TTC23: variants seen among roughly 807,000 people sequenced by gnomAD.
TTC23 encodes tetratricopeptide repeat domain 23, also known as tetratricopeptide repeat protein 23.
In TTC23, 58 loss-of-function variants were observed where a neutral mutation model predicts 55.1. The observed-to-expected ratio is 1.05, with a 90% CI of 0.85 to 1.31. TTC23 has a LOEUF of 1.31. TTC23 is among the 50% of genes most tolerant of loss of function. The pLI is 0.00. For synonymous variants in TTC23, 203 were observed against 199.9 expected (o/e 1.02, Z -0.13); for missense variants, 516 against 534.4 (o/e 0.97, Z 0.34).
intron 10 of TTC23, 150 bp from the exon 11 acceptor site, chr15:99,162,017 G>A (rs2071441739): frequency 2.7e-6 from 2 of 747,476 alleles, no homozygotes; most frequent in Admixed American, 7.4e-5. Context: ...CCATTAATCT[G>A]CCTGTTTCAT....
chr15:99,142,108 CTT>C (rs1324104114), intron 12 of TTC23, among the ~76,000 whole-genome samples: 1 of 152,120 alleles, frequency 6.6e-6, no homozygotes, highest in Non-Finnish European at 1.5e-5. Context: ...AATTTAGGAA[CTT>C]TGACTAAGCT....
Position 99,175,060 on chromosome 15 carries a change from G to A in TTC23, c.855C>T (p.His285=), listed in dbSNP as rs200552172. ...AAGGATTCTTCTCACCATGGTGCTCGTGTCTCCCTGAAGCGACAGCAGCAT... is the reference window on the plus strand; with the variant it reads ...AAGGATTCTTCTCACCATGGTGCTCATGTCTCCCTGAAGCGACAGCAGCAT... The part of the protein sequence containing the change: ...VAHAAVASGR[H]EHHDVAEQYF... The change falls in exon 10 of 14, where the codon CAC becomes CAT. Residue 285 remains histidine (H), a synonymous_variant. Transcript: ENST00000394132. 8.7e-6 allele frequency: 14 copies of A among 1,614,028 alleles called. No individual in the cohort carries two copies. The East Asian group carries it at 8.9e-5, about 10-fold the overall frequency.
intron 12 of TTC23, chr15:99,139,619 T>C: frequency 1.3e-6 from 2 of 1,516,100 alleles, no homozygotes; most frequent in Non-Finnish European, 1.8e-6. Context: ...CACAAAACTC[T>C]CTGTGACTAT....
chr15:99,150,145 G>A (rs151073453), intron 12 of TTC23, among the ~76,000 whole-genome samples: 2 of 152,336 alleles, frequency 1.3e-5, no homozygotes, highest in East Asian at 1.9e-4. Flanking sequence ...CCAGCGGCCT[G>A]CAAGGCCTGC....
chr15:99,139,150 A>G, intron 13 of TTC23, 167 bp downstream of exon 13: 1 of 805,874 alleles, frequency 1.2e-6, no homozygotes, highest in Non-Finnish European at 2.1e-6. Flanking sequence ...GGCAAGGAAG[A>G]TCTTTTACAA....
At chr15:99,148,046 C>G (rs1233480853) in intron 12 of TTC23, among the ~76,000 whole-genome samples, 3 of 152,042 alleles carry the variant, frequency 2.0e-5, no homozygotes, top group Non-Finnish European at 4.4e-5. Context: ...AGCCTATTCT[C>G]CAGTCTTGAC....
rs2071401932 is a variant in TTC23 at position 99,161,719 on chromosome 15, T to C, written c.993+21A>G. On this transcript the variant is annotated intron_variant, in intron 11 of 13. Transcript: ENST00000394132. Reference sequence around the variant, plus strand: ...ATATCAACTGTGAATAACTAGACAATTGTGATCCAAACTCACTTACCTCTT... The same window carrying C: ...ATATCAACTGTGAATAACTAGACAACTGTGATCCAAACTCACTTACCTCTT... 10 of 1,604,256 alleles carry C rather than the reference T, an allele frequency of 6.2e-6. No homozygotes were observed. In the Admixed American group the frequency reaches 1.7e-4, roughly 28 times the overall value.
intron 3 of TTC23, among the ~76,000 whole-genome samples, chr15:99,237,126 C>T (rs1014086952): frequency 3.9e-5 from 6 of 151,968 alleles, no homozygotes; most frequent in African/African-American, 9.7e-5. Flanking sequence ...GGATTACAGG[C>T]GCCCGCCACC....
At chr15:99,157,781 T>C (rs537203366) in intron 11 of TTC23, 7 of 152,230 alleles carry the variant, frequency 4.6e-5, no homozygotes, top group African/African-American at 1.4e-4. Flanking sequence ...TTTCCTGATA[T>C]TAGCTTCTTC....
At chr15:99,237,173 G>A (rs532073636) in intron 3 of TTC23, among the ~76,000 whole-genome samples, 1 of 151,898 alleles carries the variant, frequency 6.6e-6, no homozygotes, top group East Asian at 1.9e-4. Context: ...GTAGAGACGG[G>A]GTTTCACCAT....
chr15:99,237,067 C>T (rs575983533), intron 3 of TTC23, among the ~76,000 whole-genome samples: 4 of 150,794 alleles, frequency 2.7e-5, no homozygotes, highest in South Asian at 2.1e-4. Flanking sequence ...CTGCAACCTT[C>T]GCCTCCTGGG....
In TTC23 at chr15:99,193,795, G is replaced by A. The variant is rs574513783; in HGVS notation, c.759+6124C>T. On this transcript the variant is annotated intron_variant, in intron 9 of 13. Coordinates refer to ENST00000394132, the MANE Select transcript of TTC23 (RefSeq NM_001288615.3). ...GGCTAAGGCAGTCATATCACTTGAG[G>A]TCAAGAGTTCAAGACCAGCCTGGCT... Among the ~76,000 whole-genome samples the A allele has an allele frequency of 3.3e-5, 5 of 152,180 alleles. No homozygotes were observed. In the South Asian group the frequency reaches 1.0e-3, roughly 32 times the overall value.
chr15:99,187,595 C>T (rs2074844147), intron 9 of TTC23, among the ~76,000 whole-genome samples: 1 of 151,788 alleles, frequency 6.6e-6, no homozygotes, highest in Admixed American at 6.6e-5. Flanking sequence ...AGATAAGGCT[C>T]TAGTATCCAG....
intron 9 of TTC23, among the ~76,000 whole-genome samples, chr15:99,178,819 C>T (rs971505353): frequency 2.6e-5 from 4 of 152,096 alleles, no homozygotes; most frequent in Non-Finnish European, 2.9e-5. Flanking sequence ...TAAAATGATC[C>T]CTGGCATGGA....
chr15:99,176,037 GA>G (rs1206025120), intron 9 of TTC23, among the ~76,000 whole-genome samples: 3 of 152,082 alleles, frequency 2.0e-5, no homozygotes, highest in Non-Finnish European at 2.9e-5. Flanking sequence ...ATGATCTTCT[GA>G]ACATAAAATC....
Position 99,228,358 on chromosome 15 carries a change from G to A in TTC23, c.180+175C>T, listed in dbSNP as rs1446792804. 10 of 490,314 alleles carry A rather than the reference G, an allele frequency of 2.0e-5. No homozygotes were observed. In the East Asian group the frequency reaches 3.2e-4, roughly 16 times the overall value. 30.4% of individuals were successfully genotyped at this position (490,314 alleles called of 1,614,324 possible). ...TGTTGTTGGCCATGCGAACTGCTGT[G>A]CTTGGAGCCTAGAGGTACTGCATTC... On this transcript the variant is annotated intron_variant, in intron 5 of 13. Transcript: ENST00000394132.
chr15:99,204,350 A>G (rs2076434140), intron 8 of TTC23, among the ~76,000 whole-genome samples: 1 of 152,042 alleles, frequency 6.6e-6, no homozygotes, highest in Admixed American at 6.5e-5. Flanking sequence ...TTTTCTATTC[A>G]GTTGTTTGAA....
At chr15:99,192,528 T>C (rs2075330984) in intron 9 of TTC23, among the ~76,000 whole-genome samples, 4 of 152,218 alleles carry the variant, frequency 2.6e-5, no homozygotes, top group Admixed American at 2.6e-4. Flanking sequence ...CCTCATGGTG[T>C]TGAGCCTGTG....
At chr15:99,145,235 A>C (rs1353252627) in intron 12 of TTC23, 1 of 152,210 alleles carries the variant, frequency 6.6e-6, no homozygotes, top group Non-Finnish European at 1.5e-5. Context: ...GAACACCAGC[A>C]ACACGCCAAC....
Sources: gnomAD v4.1 joint callset for allele counts (sites outside exome capture counted in the v4.1 genomes callset) on GRCh38, gnomAD v4.1.1 for gene constraint, MANE v1.5 for transcripts, NCBI Gene and HGNC (gene_info 2026-07-23, HGNC 2026-07-21) for gene names.